GPC3: variants seen among roughly 807,000 people sequenced by gnomAD.
GPC3 encodes the protein glypican 3.
Under a neutral mutation model 34.4 loss-of-function variants are expected in GPC3, and 3 were observed. The ratio of observed to expected loss-of-function variants is 0.09; its 90% CI spans 0.04 to 0.23. The LOEUF is 0.23. Ranked by LOEUF, GPC3 falls within the 10% of genes least tolerant of loss-of-function variation. The probability of loss-of-function intolerance (pLI) is 1.00; values close to 1 mark genes in which losing one functional copy is unlikely to be tolerated. For missense variants in GPC3, 351 were observed against 445.6 expected, an observed-to-expected ratio of 0.79 and a Z score of 1.91; for synonymous variants, 177 against 174.0, an observed-to-expected ratio of 1.02 and a Z score of -0.13.
chrX:133,544,588 T>C (rs1218273133), intron 7 of GPC3, among the ~76,000 whole-genome samples: 2 of 112,148 alleles, frequency 1.8e-5, no homozygotes, highest in African/African-American at 3.2e-5. Context: ...TGCAGTGGCA[T>C]AGTCATGGCT....
At chrX:133,657,898 CAGAGAGAGAG>C (rs749162174) in intron 6 of GPC3, among the ~76,000 whole-genome samples, 9 of 85,549 alleles carry the variant, frequency 1.1e-4, no homozygotes, top group African/African-American at 3.0e-4. Context: ...GGCATACATG[CAGAGAGAGAG>C]AGAGAGAGAG....
At chrX:133,980,766 G>A (rs1458833600) in intron 1 of GPC3, among the ~76,000 whole-genome samples, 1 of 112,157 alleles carries the variant, frequency 8.9e-6, no homozygotes, top group Non-Finnish European at 1.9e-5. Flanking sequence ...AGTTGGCGTG[G>A]TCATTGATAG....
At chrX:133,825,232 G>A (rs889330064) in intron 2 of GPC3, among the ~76,000 whole-genome samples, 4 of 111,818 alleles carry the variant, frequency 3.6e-5, no homozygotes, top group African/African-American at 1.3e-4. Context: ...AAGTAAAATC[G>A]CTGAATCTTT....
At chrX:133,864,706 G>A (rs2075958300) in intron 2 of GPC3, among the ~76,000 whole-genome samples, 1 of 112,788 alleles carries the variant, frequency 8.9e-6, no homozygotes, top group South Asian at 3.6e-4. Flanking sequence ...ATGGAAAAAT[G>A]TGTTACAATT....
chrX:133,864,627 T>C (rs2075957999), intron 2 of GPC3, among the ~76,000 whole-genome samples: 1 of 112,470 alleles, frequency 8.9e-6, no homozygotes, highest in South Asian at 3.7e-4. Flanking sequence ...AACTGACAGA[T>C]TGGCTGTATT....
chrX:133,633,838 T>C (rs1325609883), intron 6 of GPC3, among the ~76,000 whole-genome samples: 2 of 112,060 alleles, frequency 1.8e-5, no homozygotes. Context: ...TGAATTGCTA[T>C]GGACCATGTC....
intron 5 of GPC3, among the ~76,000 whole-genome samples, chrX:133,669,209 AC>A (rs1242785381): frequency 8.9e-6 from 1 of 111,923 alleles, no homozygotes; most frequent in Admixed American, 9.5e-5. Context: ...TAAATAATCC[AC>A]CACCACCACC....
At chrX:133,869,252 T>TAATATCTTC (rs1160601522) in intron 2 of GPC3, among the ~76,000 whole-genome samples, 3 of 112,048 alleles carry the variant, frequency 2.7e-5, no homozygotes, top group African/African-American at 9.7e-5. Context: ...AGACTACATT[T>TAATATCTTC]AATATCTTCT....
chrX:133,881,833 G>C lies in GPC3; in HGVS notation c.337+71217C>G, dbSNP rs184986456. ...CAAACTTCACATGCCACTGTTTACT[G>C]ACATACTAGTAAAAAACTCTTCCCC... On this transcript the variant is annotated intron_variant, in intron 2 of 7. Transcript: ENST00000370818. Among the ~76,000 whole-genome samples, 9 of 112,527 alleles carry C rather than the reference G, an allele frequency of 8.0e-5. No homozygotes were observed. In the East Asian group the frequency reaches 2.5e-3, roughly 32 times the overall value.
intron 6 of GPC3, among the ~76,000 whole-genome samples, chrX:133,661,340 G>A (rs371913366): frequency 9.0e-6 from 1 of 111,564 alleles, no homozygotes; most frequent in African/African-American, 3.3e-5. Context: ...AAGAGAACAT[G>A]TAAAAATGAA....
intron 2 of GPC3, among the ~76,000 whole-genome samples, chrX:133,929,817 A>C (rs1405968651): frequency 8.9e-6 from 1 of 112,232 alleles, no homozygotes; most frequent in Non-Finnish European, 1.9e-5. Flanking sequence ...GTGCTGATTC[A>C]CATAAGCCTA....
chrX:133,629,377 C>A (rs1221025798), intron 6 of GPC3, among the ~76,000 whole-genome samples: 1 of 108,918 alleles, frequency 9.2e-6, no homozygotes, highest in East Asian at 2.9e-4. Context: ...CTCTGACAGT[C>A]TATGATTCTT....
At chrX:133,736,686 T>C (rs765492070) in intron 3 of GPC3, among the ~76,000 whole-genome samples, 2 of 111,952 alleles carry the variant, frequency 1.8e-5, no homozygotes, top group Non-Finnish European at 3.8e-5. Flanking sequence ...TAGAGACAGA[T>C]AGCCAGATTA....
At chrX:133,743,804 C>T (rs752520393) in intron 3 of GPC3, among the ~76,000 whole-genome samples, 3 of 111,546 alleles carry the variant, frequency 2.7e-5, no homozygotes, top group Non-Finnish European at 5.6e-5. Context: ...CAGTGTGATG[C>T]CAAAACAGAT....
chrX:133,618,823 G>A (rs2070196800), intron 6 of GPC3, among the ~76,000 whole-genome samples: 1 of 110,267 alleles, frequency 9.1e-6, no homozygotes, highest in Admixed American at 9.7e-5. Flanking sequence ...AATGGCCAAA[G>A]AAAAAATAGA....
chrX:133,807,020 A>T (rs955606157), intron 2 of GPC3, among the ~76,000 whole-genome samples: 1 of 111,649 alleles, frequency 9.0e-6, no homozygotes, highest in Non-Finnish European at 1.9e-5. Context: ...GAAAAAAAGC[A>T]TCCTACTGCA....
chrX:133,884,749 T>G (rs2124585277), intron 2 of GPC3, among the ~76,000 whole-genome samples: 1 of 111,910 alleles, frequency 8.9e-6, no homozygotes, highest in Admixed American at 9.5e-5. Context: ...ACGTCAAAGC[T>G]AGCATCTGGC....
At chrX:133,751,546 C>T (rs973889185) in intron 3 of GPC3, among the ~76,000 whole-genome samples, 6 of 112,025 alleles carry the variant, frequency 5.4e-5, no homozygotes, top group African/African-American at 1.3e-4. Flanking sequence ...ACAGCAACTC[C>T]GTAAGTAGCC....
At chrX:133,562,556 A>G (rs2069547247) in intron 7 of GPC3, among the ~76,000 whole-genome samples, 1 of 111,042 alleles carries the variant, frequency 9.0e-6, no homozygotes, top group Non-Finnish European at 1.9e-5. Flanking sequence ...GCTTGACCCC[A>G]GGAGATGGAG....
Sources: allele counts gnomAD v4.1 joint callset (sites outside exome capture counted in the v4.1 genomes callset), GRCh38; gene constraint gnomAD v4.1.1; transcripts MANE v1.5; gene names NCBI Gene and HGNC (gene_info 2026-07-23, HGNC 2026-07-21).